The following LRRK1 variants were observed in gnomAD, a reference collection of about 807,000 sequenced individuals.
LRRK1 encodes leucine rich repeat kinase 1.
Under a neutral mutation model 209.1 loss-of-function variants are expected in LRRK1, and 113 were observed. The observed-to-expected ratio is 0.54, with a 90% CI of 0.46 to 0.63. LRRK1 has a LOEUF of 0.63. Among genes scored for constraint, LRRK1 ranks in the 30% least tolerant of loss-of-function variants. LRRK1 has a pLI of 0.00. For synonymous variants in LRRK1, 1,144 were observed against 1,099.7 expected (o/e 1.04, Z -0.80); for missense variants, 2,284 against 2,632.2 (o/e 0.87, Z 2.89).
chr15:100,937,920 G>A (rs373114604), intron 2 of LRRK1, among the ~76,000 whole-genome samples: 14 of 151,564 alleles, frequency 9.2e-5, no homozygotes, highest in Admixed American at 5.9e-4. Flanking sequence ...GCGACCTCTC[G>A]GCTCACTACA....
intron 3 of LRRK1, 186 bp downstream of exon 3, chr15:100,974,153 C>G (rs567593119): frequency 4.4e-6 from 2 of 450,036 alleles, no homozygotes; most frequent in Admixed American, 8.8e-5. Flanking sequence ...AGTCTGATAT[C>G]ACCTAAGCAG....
intron 6 of LRRK1, among the ~76,000 whole-genome samples, chr15:101,002,155 G>C (rs942299029): frequency 2.0e-5 from 3 of 152,208 alleles, no homozygotes; most frequent in Non-Finnish European, 4.4e-5. Flanking sequence ...CATAAGAGAT[G>C]TCATTGTGGG....
At chr15:100,950,862 G>A (rs961364639) in intron 2 of LRRK1, among the ~76,000 whole-genome samples, 8 of 152,246 alleles carry the variant, frequency 5.3e-5, no homozygotes, top group Non-Finnish European at 8.8e-5. Context: ...CCAGCACTTT[G>A]GGAGGCCAAG....
In LRRK1 at chr15:101,024,965, G is replaced by A. The variant is rs371661382; in HGVS notation, c.2230G>A (p.Glu744Lys). The change falls in exon 16 of 34, where the codon GAG becomes AAG. Residue 744 changes from glutamate to lysine, a missense_variant and splice_region_variant. Around this residue, in one of 6 missense-constraint regions of LRRK1, gnomAD observed 780 missense variants for 985.2 expected, o/e 0.79. Transcript: ENST00000388948. The surrounding 1 kb of genome is among the most constrained non-coding windows in gnomAD (Gnocchi z 4.6). Reference sequence around the variant, plus strand: ...CCTCCAGTTCTGGCTGCTCAACATCGAGGTGAGGACACCAGACGCCAGCCC... The same window carrying A: ...CCTCCAGTTCTGGCTGCTCAACATCAAGGTGAGGACACCAGACGCCAGCCC... ...ANLQFWLLNIEAKAPNAVVLV... is the reference protein window; with the variant it reads ...ANLQFWLLNIKAKAPNAVVLV... The A allele has an allele frequency of 9.9e-6, 16 of 1,613,022 alleles. No homozygotes were observed. Among genetic ancestry groups the A allele is most frequent in the Non-Finnish European group, 1.1e-5 (13 of 1,179,744 alleles).
At chr15:100,941,453 T>TGTGTGTGTGCCTGTATCTGTGTGC (rs2042429523) in intron 2 of LRRK1, among the ~76,000 whole-genome samples, 1 of 112,914 alleles carries the variant, frequency 8.9e-6, no homozygotes, top group African/African-American at 4.5e-5. Context: ...TGTCTGTGTG[T>TGTGTGTGTGCCTGTATCTGTGTGC]GTCTATGTCT....
chr15:101,043,804 A>C (rs12438199), intron 20 of LRRK1: 40,383 of 152,238 alleles, frequency 0.27, 6,093 homozygotes, highest in Middle Eastern at 0.38. Flanking sequence ...TGTGAGGATT[A>C]AATTAGATAA....
intron 3 of LRRK1, among the ~76,000 whole-genome samples, chr15:100,978,747 A>C (rs935002974): frequency 5.3e-5 from 8 of 152,232 alleles, no homozygotes; most frequent in Non-Finnish European, 7.3e-5. Context: ...AGAAAATTCA[A>C]TTCATAATTT....
intron 6 of LRRK1, among the ~76,000 whole-genome samples, chr15:100,992,045 CT>C (rs1016777285): frequency 3.9e-5 from 6 of 151,954 alleles, no homozygotes; most frequent in African/African-American, 1.4e-4. Context: ...TGCTCATTGT[CT>C]TTTTTTAACT....
intron 2 of LRRK1, among the ~76,000 whole-genome samples, chr15:100,953,395 TG>T (rs1446594074): frequency 2.0e-5 from 3 of 152,200 alleles, no homozygotes; most frequent in Non-Finnish European, 4.4e-5. Context: ...CTTCTGTGTC[TG>T]GCCTATTTCA....
rs1349234808 is a variant in LRRK1, at chr15:101,077,797, CTATTT to C, written c.*8951_*8955del. ...TTTTCGCTGCCCCAACACTTCGACA[CTATTT>C]TGTTTTATTTTTCTTATTAATATAA... On this transcript the variant is annotated 3_prime_UTR_variant, in exon 34 of 34. Coordinates refer to ENST00000388948, the MANE Select transcript of LRRK1 (RefSeq NM_024652.6). The C allele has an allele frequency of 1.3e-5, 2 of 152,258 alleles. No individual in the cohort carries two copies. The highest frequency in any genetic ancestry group is 1.9e-4 in the East Asian group (1 of 5,180). The allele number at this position is 152,258 out of a possible 1,614,324, so 9.4% of individuals were successfully genotyped here.
rs577714258 is a variant in LRRK1, at chr15:100,921,513, C to T, written c.-123+2062C>T. On this transcript the variant is annotated intron_variant, in intron 1 of 33. Coordinates refer to ENST00000388948, the MANE Select transcript of LRRK1 (RefSeq NM_024652.6). ...AACTAGGTGATATGAATGAGCATGT[C>T]TAGCATGCTTTGCTTGCAAGGGACT... Among the ~76,000 whole-genome samples the T allele has an allele frequency of 2.8e-4, 42 of 151,776 alleles. 1 individual carries two copies. In the South Asian group the frequency reaches 8.5e-3, roughly 31 times the overall value.
At chr15:101,056,025 A>G (rs920681764) in intron 27 of LRRK1, among the ~76,000 whole-genome samples, 1 of 152,270 alleles carries the variant, frequency 6.6e-6, no homozygotes, top group Admixed American at 6.5e-5. Context: ...AGCAACAAAA[A>G]TAAGAGCTTC....
At position 101,057,024 on chromosome 15, in the gene LRRK1, G is replaced by A. The variant is rs755347885; in HGVS notation, c.4501G>A (p.Glu1501Lys). ...QFRRLQALMM[E>K]CWDTKPEKRP... ...CCGGCGACTGCAGGCGCTCATGATG[G>A]AGTGCTGGGACACTAAGCCAGAGAA... Residue 1501 changes from glutamate to lysine, a missense_variant, in exon 28 of 34, where the codon GAG becomes AAG. Around this residue, in one of 6 missense-constraint regions of LRRK1, gnomAD observed 643 missense variants for 695.9 expected, o/e 0.92. Coordinates refer to ENST00000388948, the MANE Select transcript of LRRK1 (RefSeq NM_024652.6). 1.2e-6 allele frequency: 2 copies of A among 1,612,730 alleles called. No homozygotes were observed. The highest frequency in any genetic ancestry group is 1.7e-6 in the Non-Finnish European group (2 of 1,179,316).
At position 101,075,572 on chromosome 15, in the gene LRRK1, C is replaced by A. The variant is rs1263684907; in HGVS notation, c.*6724C>A. On this transcript the variant is annotated 3_prime_UTR_variant, in exon 34 of 34. Transcript: ENST00000388948. Reference sequence around the variant, plus strand: ...CTTTGAAAAGACTAAAGCCTGTTATCACTCTCCTGCTACAGCATGGCCTTT... The same window carrying A: ...CTTTGAAAAGACTAAAGCCTGTTATAACTCTCCTGCTACAGCATGGCCTTT... 4.9e-5 allele frequency: 7 copies of A among 142,546 alleles called. No homozygotes were observed. The highest frequency in any genetic ancestry group is 5.9e-5 in the African/African-American group (2 of 33,628). 8.8% of individuals were successfully genotyped at this position (142,546 alleles called of 1,614,324 possible). A position where few individuals can be genotyped will look rare whatever the true frequency, so the allele number is the denominator to read the frequency against.
At chr15:101,060,794 A>AATCT (rs1485984972) in intron 29 of LRRK1, among the ~76,000 whole-genome samples, 1 of 151,678 alleles carries the variant, frequency 6.6e-6, no homozygotes, top group Non-Finnish European at 1.5e-5. Context: ...GCCCCAACCC[A>AATCT]ATCTCCTCTG....
At chr15:100,946,104 T>C (rs2042535321) in intron 2 of LRRK1, among the ~76,000 whole-genome samples, 1 of 152,204 alleles carries the variant, frequency 6.6e-6, no homozygotes, top group African/African-American at 2.4e-5. Flanking sequence ...GATATTTGAG[T>C]AAGAAAAATA....
chr15:100,981,230 A>G (rs1276768735), intron 3 of LRRK1, among the ~76,000 whole-genome samples: 1 of 152,158 alleles, frequency 6.6e-6, no homozygotes, highest in Non-Finnish European at 1.5e-5. Context: ...GCTGGCTCCT[A>G]TGACGTCACT....
intron 20 of LRRK1, among the ~76,000 whole-genome samples, chr15:101,034,903 T>C (rs371827756): frequency 1.3e-5 from 2 of 152,236 alleles, no homozygotes; most frequent in East Asian, 3.9e-4. Context: ...TAGTAGTCTC[T>C]GATGATCTTT....
At chr15:101,023,238 C>T (rs2141711821) in intron 15 of LRRK1, among the ~76,000 whole-genome samples, 1 of 152,190 alleles carries the variant, frequency 6.6e-6, no homozygotes, top group South Asian at 2.1e-4. Flanking sequence ...AAAATGAATC[C>T]ATCACTGCTT....
Sources: gnomAD v4.1 joint callset for allele counts (sites outside exome capture counted in the v4.1 genomes callset) on GRCh38, gnomAD v4.1.1 for gene constraint, gnomAD v4.1.1 regional missense constraint, Gnocchi (gnomAD v3.1) non-coding constraint, MANE v1.5 for transcripts, NCBI Gene and HGNC (gene_info 2026-07-23, HGNC 2026-07-21) for gene names.